The following CYP2U1 variants were observed in gnomAD, a reference collection of about 807,000 sequenced individuals.
The protein encoded by CYP2U1 is cytochrome P450 family 2 subfamily U member 1, also known as cytochrome P450 2U1.
A neutral mutation model predicts 42.8 loss-of-function variants in CYP2U1; 28 were observed. The ratio of observed to expected loss-of-function variants is 0.65; its 90% CI spans 0.48 to 0.90. The LOEUF (loss-of-function observed/expected upper bound fraction) is 0.90. Among genes scored for constraint, CYP2U1 ranks in the 40% least tolerant of loss-of-function variants. The pLI, the probability that CYP2U1 is intolerant of heterozygous loss-of-function variation, is 0.00. For missense variants in CYP2U1, 642 were observed against 693.8 expected (o/e 0.93, Z 0.84); for synonymous variants, 296 against 278.9 (o/e 1.06, Z -0.61).
Position 107,945,076 on chromosome 4 carries a change from T to G in CYP2U1, c.597T>G (p.Ile199Met), listed in dbSNP as rs1302584434. 6.2e-7 allele frequency: 1 copy of G among 1,613,748 alleles called. No individual in the cohort carries two copies. The highest frequency in any genetic ancestry group is 1.3e-5 in the African/African-American group (1 of 74,922). ...GAAAACTTAGCTTGGAGCCCAAGAT[T>G]ATTGAGGAGTTCAAATATGTGAAAG... ...GLGKLSLEPK[I>M]IEEFKYVKAE... Residue 199 changes from isoleucine (I) to methionine (M), a missense_variant, in exon 2 of 5, where the codon ATT (isoleucine) becomes ATG (methionine). Ile to Met is a conservative substitution (Grantham distance 10). Coordinates refer to ENST00000332884, the MANE Select transcript of CYP2U1 (RefSeq NM_183075.3).
intron 1 of CYP2U1, chr4:107,937,584 C>A (rs539144507): frequency 1.3e-5 from 2 of 151,802 alleles, no homozygotes; most frequent in Non-Finnish European, 2.9e-5. Flanking sequence ...TCTCAGCTCA[C>A]TGCAAGCTCC....
chr4:107,936,235 G>A (rs1224831808), intron 1 of CYP2U1: 2 of 152,220 alleles, frequency 1.3e-5, no homozygotes, highest in African/African-American at 4.8e-5. Context: ...TACCAAAGGA[G>A]CGTTTCACTC....
intron 1 of CYP2U1, among the ~76,000 whole-genome samples, chr4:107,932,625 T>C (rs1168595468): frequency 6.6e-6 from 1 of 152,246 alleles, no homozygotes; most frequent in African/African-American, 2.4e-5. Context: ...AATCTCCGGC[T>C]TTGGTTCATA....
intron 3 of CYP2U1, among the ~76,000 whole-genome samples, chr4:107,948,773 T>C (rs1459381056): frequency 6.6e-6 from 1 of 152,194 alleles, no homozygotes; most frequent in Non-Finnish European, 1.5e-5. Context: ...GATCTAGTTT[T>C]AAGACAGTTA....
chr4:107,939,080 G>C (rs1733383854), intron 1 of CYP2U1: 1 of 152,566 alleles, frequency 6.6e-6, no homozygotes, highest in African/African-American at 2.4e-5. Context: ...ACAATCGCTT[G>C]AACCCAGGAG....
intron 1 of CYP2U1, 54 bp from the exon 2 acceptor site, chr4:107,944,916 C>A: frequency 6.6e-7 from 1 of 1,514,128 alleles, no homozygotes; most frequent in Non-Finnish European, 8.8e-7. Flanking sequence ...TAGGTCTGTT[C>A]AGTGTTATCA....
At position 107,931,735 on chromosome 4, in the gene CYP2U1, AC is replaced by A; in HGVS notation, c.96del (p.Ser33AlafsTer11). 1.4e-6 allele frequency: 2 copies of A among 1,412,062 alleles called. No homozygotes were observed. The highest frequency in any genetic ancestry group is 3.3e-5 in the Admixed American group (1 of 30,686). The allele number at this position is 1,412,062 out of a possible 1,614,324, so 87.5% of individuals were successfully genotyped here. A position where few individuals can be genotyped will look rare whatever the true frequency, so the allele number is the denominator to read the frequency against. On this transcript the variant is annotated frameshift_variant, in exon 1 of 5. Coordinates refer to ENST00000332884, the MANE Select transcript of CYP2U1 (RefSeq NM_183075.3). LOFTEE classifies it high-confidence loss of function. ...GCGCCTCTGGGGCTGCTGCGGCTGG[AC>A]CCCAGCGGGGGCGCGCTGCTGCTAT... Reference protein sequence around the residue: ...LRAPLGLLRLDPSGGALLLCG... With the variant: ...LRAPLGLLRLXPSGGALLLCG...
chr4:107,939,703 C>G (rs1733409248), intron 1 of CYP2U1, among the ~76,000 whole-genome samples: 1 of 152,074 alleles, frequency 6.6e-6, no homozygotes, highest in Admixed American at 6.5e-5. Flanking sequence ...TACCAGTGAT[C>G]ATAGGAGACA....
intron 1 of CYP2U1, among the ~76,000 whole-genome samples, chr4:107,934,551 C>G (rs2126191573): frequency 6.6e-6 from 1 of 152,320 alleles, no homozygotes. Context: ...AAAAGTATCT[C>G]TTACATAAAC....
chr4:107,944,901 C>T (rs1048276911), intron 1 of CYP2U1, 69 bp from the exon 2 acceptor site: 22 of 1,392,096 alleles, frequency 1.6e-5, no homozygotes, highest in East Asian at 7.8e-5. Context: ...GAATGCACTC[C>T]GTGGTAGGTC....
At position 107,952,883 on chromosome 4, in the gene CYP2U1, C is replaced by A. The variant is rs3756271; in HGVS notation, c.*2460C>A. 94,741 of 152,044 alleles carry A rather than the reference C, an allele frequency of 0.62. 29,945 individuals carry two copies. The highest frequency in any genetic ancestry group is 0.73 in the Middle Eastern group (215 of 294). 9.4% of individuals were successfully genotyped at this position (152,044 alleles called of 1,614,324 possible). ...TTTAGAAATATTACTAAGCACTTTC[C>A]GTATAGATAAATGAAATACAGGCTA... On this transcript the variant is annotated 3_prime_UTR_variant, in exon 5 of 5. Coordinates refer to ENST00000332884, the MANE Select transcript of CYP2U1 (RefSeq NM_183075.3).
In CYP2U1 at chr4:107,952,189, A is replaced by G. The variant is rs1733933652; in HGVS notation, c.*1766A>G. 6.6e-6 allele frequency: 1 copy of G among 152,236 alleles called. No homozygotes were observed. The highest frequency in any genetic ancestry group is 6.5e-5 in the Admixed American group (1 of 15,284). 9.4% of individuals were successfully genotyped at this position (152,236 alleles called of 1,614,324 possible). A position where few individuals can be genotyped will look rare whatever the true frequency, so the allele number is the denominator to read the frequency against. On this transcript the variant is annotated 3_prime_UTR_variant, in exon 5 of 5. Transcript: ENST00000332884. ...AGAAAAATCCTACCTTATTTGAATAATTACAAGTCATGTTTTTGTTGCTTA... is the reference window on the plus strand; with the variant it reads ...AGAAAAATCCTACCTTATTTGAATAGTTACAAGTCATGTTTTTGTTGCTTA...
At chr4:107,949,620 CTAATA>C (rs1733838404) in intron 4 of CYP2U1, 103 bp downstream of exon 4, 1 of 1,067,902 alleles carries the variant, frequency 9.4e-7, no homozygotes, top group East Asian at 2.9e-5. Context: ...TCTTGGCAAG[CTAATA>C]TAAGAGAAGG....
chr4:107,932,129 G>A lies in CYP2U1; in HGVS notation c.486G>A (p.Glu162=). The A allele has an allele frequency of 6.2e-7, 1 of 1,603,976 alleles. No homozygotes were observed. The highest frequency in any genetic ancestry group is 8.5e-7 in the Non-Finnish European group (1 of 1,176,178). The change falls in exon 1 of 5, where the codon GAG becomes GAA. Residue 162 remains glutamate (E), a synonymous_variant. Transcript: ENST00000332884. ...CGCTCATCTCCATCGTGACCAAGGA[G>A]AAGGGTGAGCGGGAGGTCGTGGGCT... is the stretch of plus-strand genomic sequence containing the variant. ...RVPLISIVTK[E]KGVVFAHYGP... is the part of the protein sequence containing the mutation.
chr4:107,945,015 A>G lies in CYP2U1; in HGVS notation c.536A>G (p.Lys179Arg). The change falls in exon 2 of 5, where the codon AAG becomes AGG. Residue 179 changes from lysine to arginine, a missense_variant. Lys to Arg is a conservative substitution (Grantham distance 26). Coordinates refer to ENST00000332884, the MANE Select transcript of CYP2U1 (RefSeq NM_183075.3). ...HYGPVWRQQR[K>R]FSHSTLRHFG... ...GGTCCCGTCTGGAGACAACAAAGGA[A>G]GTTCTCTCATTCAACTCTTCGTCAT... 1.2e-6 allele frequency: 2 copies of G among 1,613,390 alleles called. No homozygotes were observed. Among genetic ancestry groups the G allele is most frequent in the Non-Finnish European group, 1.7e-6 (2 of 1,179,878 alleles).
Position 107,945,388 on chromosome 4 carries a change from A to C in CYP2U1, c.909A>C (p.Lys303Asn). ...DITSFLKKIIKDHQESLDREN... is the reference protein window; with the variant it reads ...DITSFLKKIINDHQESLDREN... ...CCAGTTTCCTTAAAAAAATCATCAA[A>C]GACCATCAAGAGTCTCTGGATAGAG... is the stretch of plus-strand genomic sequence containing the variant. Residue 303 changes from lysine (K) to asparagine (N), a missense_variant, in exon 2 of 5, where the codon AAA (lysine) becomes AAC (asparagine). Transcript: ENST00000332884. 1 of 1,614,120 alleles carries C rather than the reference A, an allele frequency of 6.2e-7. No homozygotes were observed. Among genetic ancestry groups the C allele is most frequent in the Non-Finnish European group, 8.5e-7 (1 of 1,180,014 alleles).
In CYP2U1 at chr4:107,931,990, G is replaced by C; in HGVS notation, c.347G>C (p.Ser116Thr). The C allele has an allele frequency of 6.4e-7, 1 of 1,554,012 alleles. No individual in the cohort carries two copies. The highest frequency in any genetic ancestry group is 8.7e-7 in the Non-Finnish European group (1 of 1,148,562). The change falls in exon 1 of 5, where the codon AGC (serine) becomes ACC (threonine). Residue 116 changes from serine to threonine, a missense_variant. Ser to Thr is a moderately conservative substitution (Grantham distance 58, BLOSUM62 1). Coordinates refer to ENST00000332884, the MANE Select transcript of CYP2U1 (RefSeq NM_183075.3). Reference protein sequence around the residue: ...LLAHLARVYGSIFSFFIGHYL... With the variant: ...LLAHLARVYGTIFSFFIGHYL... Reference sequence around the variant, plus strand: ...GCTCACCTAGCCCGCGTGTACGGCAGCATCTTCAGCTTCTTTATCGGCCAC... The same window carrying C: ...GCTCACCTAGCCCGCGTGTACGGCACCATCTTCAGCTTCTTTATCGGCCAC...
At chr4:107,934,650 T>C (rs1733193775) in intron 1 of CYP2U1, among the ~76,000 whole-genome samples, 1 of 152,216 alleles carries the variant, frequency 6.6e-6, no homozygotes, top group Non-Finnish European at 1.5e-5. Flanking sequence ...ATCTGGCTGC[T>C]GCCTTTCTCT....
intron 1 of CYP2U1, chr4:107,938,730 C>A (rs932669477): frequency 1.3e-5 from 2 of 152,108 alleles, no homozygotes; most frequent in African/African-American, 4.8e-5. Context: ...GCTTCGGAGC[C>A]ATTTTGCTAG....
Sources: gnomAD v4.1 joint callset for allele counts (sites outside exome capture counted in the v4.1 genomes callset) on GRCh38, gnomAD v4.1.1 for gene constraint, MANE v1.5 for transcripts, NCBI Gene and HGNC (gene_info 2026-07-23, HGNC 2026-07-21) for gene names.